Variants in CFTR observed in about 807,000 individuals in gnomAD.
The protein encoded by CFTR is cystic fibrosis transmembrane conductance regulator.
A neutral mutation model predicts 171.6 loss-of-function variants in CFTR; 181 were observed. The observed-to-expected ratio is 1.05, with a 90% CI of 0.93 to 1.19. CFTR has a LOEUF of 1.19. Ranked by LOEUF, CFTR falls within the 50% of genes most tolerant of loss-of-function variation. CFTR has a pLI of 0.00. For synonymous variants in CFTR, 583 were observed against 608.0 expected, an observed-to-expected ratio of 0.96 and a Z score of 0.60; for missense variants, 1,968 against 1,734.7, an observed-to-expected ratio of 1.13 and a Z score of -2.39.
chr7:117,563,445 G>A (rs144602234), intron 11 of CFTR, among the ~76,000 whole-genome samples: 1 of 152,236 alleles, frequency 6.6e-6, no homozygotes, highest in African/African-American at 2.4e-5. Context: ...TTTATGTACT[G>A]TTTGCATCCA....
At chr7:117,549,866 GAAGT>G (rs1799239312) in intron 10 of CFTR, among the ~76,000 whole-genome samples, 2 of 152,018 alleles carry the variant, frequency 1.3e-5, no homozygotes, top group African/African-American at 2.4e-5. Context: ...AAGAAGGAAG[GAAGT>G]AAGAGGGAAG....
intron 23 of CFTR, among the ~76,000 whole-genome samples, chr7:117,647,805 G>T (rs1366884845): frequency 6.6e-6 from 1 of 151,866 alleles, no homozygotes; most frequent in Non-Finnish European, 1.5e-5. Context: ...TCAGACATGA[G>T]TAACAGTGCC....
rs188993522 is a variant in CFTR, at chr7:117,634,677, T to C, written c.3717+6907T>C. Among the ~76,000 whole-genome samples, 322 of 152,250 alleles carry C rather than the reference T, an allele frequency of 2.1e-3. 2 individuals are homozygous for C. The highest frequency in any genetic ancestry group is 3.9e-3 in the Non-Finnish European group (265 of 67,966). Reference sequence around the variant, plus strand: ...TCATGTTCATTTAGTTTGAAATATTTTTAAATTTCTCTTGATATTTCTCTT... The same window carrying C: ...TCATGTTCATTTAGTTTGAAATATTCTTAAATTTCTCTTGATATTTCTCTT... On this transcript the variant is annotated intron_variant, in intron 22 of 26. Coordinates refer to ENST00000003084, the MANE Select transcript of CFTR (RefSeq NM_000492.4).
chr7:117,617,325 C>T (rs868619612), intron 21 of CFTR, among the ~76,000 whole-genome samples: 7 of 151,400 alleles, frequency 4.6e-5, no homozygotes, highest in African/African-American at 1.7e-4. Flanking sequence ...GCCCAAGTGC[C>T]TAGCTTTCTT....
At chr7:117,563,949 T>C (rs1259339897) in intron 11 of CFTR, among the ~76,000 whole-genome samples, 1 of 152,186 alleles carries the variant, frequency 6.6e-6, no homozygotes, top group African/African-American at 2.4e-5. Flanking sequence ...AAAAATGTAA[T>C]GGATGTAATG....
At position 117,610,680 on chromosome 7, in the gene CFTR, G is replaced by C. The variant is rs555185521; in HGVS notation, c.3139+11G>C. The stretch of plus-strand genomic sequence containing the variant: ...AACTGGAATCTGAAGGTATGACAGT[G>C]AATGTGCGATACTCATCTTGTAAAA... On this transcript the variant is annotated intron_variant, in intron 19 of 26. Coordinates refer to ENST00000003084, the MANE Select transcript of CFTR (RefSeq NM_000492.4). The C allele has an allele frequency of 3.1e-6, 5 of 1,612,854 alleles. No individual in the cohort carries two copies. The Admixed American group carries it at 8.3e-5, about 27-fold the overall frequency.
intron 1 of CFTR, among the ~76,000 whole-genome samples, chr7:117,492,920 AT>A (rs999509748): frequency 7.4e-5 from 11 of 149,346 alleles, no homozygotes; most frequent in Admixed American, 1.3e-4. Context: ...GGAAGTTACC[AT>A]TTTTTTTTTC....
chr7:117,614,746 A>G lies in CFTR; in HGVS notation c.3468+33A>G, dbSNP rs1792459342. 2.8e-6 allele frequency: 4 copies of G among 1,412,334 alleles called. No individual in the cohort carries two copies. Among genetic ancestry groups the G allele is most frequent in the Non-Finnish European group, 4.0e-6 (4 of 996,908 alleles). 87.5% of individuals were successfully genotyped at this position (1,412,334 alleles called of 1,614,324 possible). A position where few individuals can be genotyped will look rare whatever the true frequency, so the allele number is the denominator to read the frequency against. On this transcript the variant is annotated intron_variant, in intron 21 of 26. Coordinates refer to ENST00000003084, the MANE Select transcript of CFTR (RefSeq NM_000492.4). Reference sequence around the variant, plus strand: ...TTATCATCTTTTTAACTTTTATGAAAAAAATTCAGACAAGTAACAAAGTAT... The same window carrying G: ...TTATCATCTTTTTAACTTTTATGAAGAAAATTCAGACAAGTAACAAAGTAT...
At chr7:117,490,649 A>T (rs1332103586) in intron 1 of CFTR, among the ~76,000 whole-genome samples, 1 of 152,120 alleles carries the variant, frequency 6.6e-6, no homozygotes, top group Admixed American at 6.6e-5. Flanking sequence ...ACATAAAATT[A>T]ACCATCACTC....
intron 21 of CFTR, 77 bp from the exon 22 acceptor site, chr7:117,627,445 T>A: frequency 6.0e-6 from 9 of 1,501,090 alleles, no homozygotes; most frequent in Non-Finnish European, 8.3e-6. Flanking sequence ...TTACAAGTTA[T>A]TTTTTAGGAA....
At chr7:117,624,803 G>A (rs1792627934) in intron 21 of CFTR, among the ~76,000 whole-genome samples, 1 of 152,064 alleles carries the variant, frequency 6.6e-6, no homozygotes, top group Admixed American at 6.6e-5. Context: ...TTGGCTTTTG[G>A]CGCTTAATGG....
chr7:117,561,631 G>A (rs1440252553), intron 11 of CFTR, among the ~76,000 whole-genome samples: 1 of 152,136 alleles, frequency 6.6e-6, no homozygotes, highest in Non-Finnish European at 1.5e-5. Context: ...TCATCATTCA[G>A]CAAATATTTA....
At chr7:117,665,642 C>A in intron 26 of CFTR, 78 bp downstream of exon 26, 2 of 899,078 alleles carry the variant, frequency 2.2e-6, no homozygotes, top group Non-Finnish European at 3.8e-6. Context: ...ATAGTTCCTG[C>A]AAATTGCAAC....
intron 22 of CFTR, among the ~76,000 whole-genome samples, chr7:117,631,294 T>C (rs1431328694): frequency 2.0e-5 from 3 of 152,142 alleles, no homozygotes; most frequent in African/African-American, 7.2e-5. Flanking sequence ...TTGTTATATG[T>C]TTCCCCCCCT....
intron 21 of CFTR, 132 bp downstream of exon 21, chr7:117,614,845 G>A: frequency 1.5e-6 from 1 of 684,978 alleles, no homozygotes; most frequent in Non-Finnish European, 2.7e-6. Flanking sequence ...TAAATTGAGG[G>A]TCACTGTGTA....
chr7:117,614,505 T>C (rs1411736232), intron 20 of CFTR, 108 bp from the exon 21 acceptor site: 1 of 773,834 alleles, frequency 1.3e-6, no homozygotes, highest in African/African-American at 1.7e-5. Context: ...AGCATAAAAT[T>C]GAAATGTAAA....
chr7:117,542,828 G>A (rs1799079401), intron 9 of CFTR, among the ~76,000 whole-genome samples: 1 of 152,142 alleles, frequency 6.6e-6, no homozygotes, highest in Admixed American at 6.5e-5. Context: ...GAAGACTGAA[G>A]GAGAGAATTT....
intron 3 of CFTR, 124 bp from the exon 4 acceptor site, chr7:117,530,775 T>C (rs1194226757): frequency 2.8e-6 from 2 of 710,514 alleles, no homozygotes; most frequent in African/African-American, 3.5e-5. Flanking sequence ...TCACATATGG[T>C]ATGACCCTCT....
intron 23 of CFTR, among the ~76,000 whole-genome samples, chr7:117,644,463 T>C (rs970328615): frequency 2.0e-5 from 3 of 152,092 alleles, no homozygotes; most frequent in Non-Finnish European, 4.4e-5. Context: ...AAGAAAATTA[T>C]GTTTGTTTGC....
Sources: gnomAD v4.1 joint callset for allele counts (sites outside exome capture counted in the v4.1 genomes callset) on GRCh38, gnomAD v4.1.1 for gene constraint, MANE v1.5 for transcripts, NCBI Gene and HGNC (gene_info 2026-07-23, HGNC 2026-07-21) for gene names.